DCLK3: variants seen among roughly 807,000 people sequenced by gnomAD.
DCLK3 encodes the protein serine/threonine-protein kinase DCLK3.
In DCLK3, 30 loss-of-function variants were observed where a neutral mutation model predicts 46.4. The observed-to-expected ratio is 0.65, with a 90% CI of 0.48 to 0.88. DCLK3 has a LOEUF of 0.88. DCLK3 is among the 40% of genes least tolerant of loss of function. The probability of loss-of-function intolerance (pLI) is 0.00; values close to 1 mark genes in which losing one functional copy is unlikely to be tolerated. For missense variants in DCLK3, 846 were observed against 907.1 expected (o/e 0.93, Z 0.87); for synonymous variants, 401 against 339.2 (o/e 1.18, Z -2.00).
chr3:36,736,523 A>T (rs187580088), intron 2 of DCLK3, among the ~76,000 whole-genome samples: 9 of 152,282 alleles, frequency 5.9e-5, no homozygotes, highest in Non-Finnish European at 5.9e-5. Flanking sequence ...CATAGCTGAG[A>T]TAAGGGTGTC....
At chr3:36,726,830 A>G (rs1701130177) in intron 2 of DCLK3, among the ~76,000 whole-genome samples, 1 of 152,246 alleles carries the variant, frequency 6.6e-6, no homozygotes. Context: ...ACAACAGGGT[A>G]ATTACCAGAA....
intron 1 of DCLK3, among the ~76,000 whole-genome samples, chr3:36,746,918 ATGATGC>A (rs1173304912): frequency 4.6e-5 from 7 of 152,356 alleles, no homozygotes; most frequent in African/African-American, 1.2e-4. Context: ...CAGGTCCCAG[ATGATGC>A]TGATGCTGAT....
At chr3:36,720,459 C>T (rs1192700582) in intron 3 of DCLK3, among the ~76,000 whole-genome samples, 1 of 151,630 alleles carries the variant, frequency 6.6e-6, no homozygotes, top group Non-Finnish European at 1.5e-5. Context: ...CTAGTCTTCT[C>T]CATGTCTCTA....
At chr3:36,739,468 T>A (rs1445265006) in intron 1 of DCLK3, among the ~76,000 whole-genome samples, 1 of 152,200 alleles carries the variant, frequency 6.6e-6, no homozygotes. Context: ...TGGGGGCAGT[T>A]TCCCCCATAC....
intron 1 of DCLK3, among the ~76,000 whole-genome samples, chr3:36,748,444 G>C (rs966132213): frequency 6.6e-6 from 1 of 152,142 alleles, no homozygotes; most frequent in Admixed American, 6.5e-5. Context: ...CCAGCCACCT[G>C]CCTTCCCCAG....
At position 36,737,946 on chromosome 3, in the gene DCLK3, T is replaced by C. The variant is rs745384086; in HGVS notation, c.1221A>G (p.Gly407=). The C allele has an allele frequency of 1.9e-6, 3 of 1,614,180 alleles. No homozygotes were observed. The highest frequency in any genetic ancestry group is 1.6e-4 in the Middle Eastern group (1 of 6,062). Residue 407 remains glycine (G), a synonymous_variant, in exon 2 of 5, where the codon GGA becomes GGG. Transcript: ENST00000636136. The surrounding 1 kb of genome is among the most constrained non-coding windows in gnomAD (Gnocchi z 4.4). ...CAAGGTCCTTCTTGGCCTTGGCTGC[T>C]CCCTGAGCATGGCTTTCTTGATCCT... ...GPEDQESHAQ[G]AAKAKKDLVE...
Position 36,729,250 on chromosome 3 carries a change from G to T in DCLK3, c.1960-7591C>A, listed in dbSNP as rs183659304. On this transcript the variant is annotated intron_variant, in intron 2 of 4. Transcript: ENST00000636136. ...TTTTCCCGGGTTGTGTGTGTGTGTG[G>T]GGGGGGGGGGTACAAAAGCCCCCTT... 1.3e-4 allele frequency among the ~76,000 whole-genome samples: 12 copies of T among 95,324 alleles called. No homozygotes were observed. In the Middle Eastern group the frequency reaches 0.019, roughly 153 times the overall value. The allele number at this position is 95,324 out of a possible 152,430, so 62.5% of individuals were successfully genotyped here.
chr3:36,750,043 T>G (rs1441902140), intron 1 of DCLK3, among the ~76,000 whole-genome samples: 1 of 152,184 alleles, frequency 6.6e-6, no homozygotes, highest in Non-Finnish European at 1.5e-5. Context: ...CTTTTACTTC[T>G]TAATTTAATT....
rs144209744 is a variant in DCLK3 at position 36,746,797 on chromosome 3, G to A, written c.83-7713C>T. Reference sequence around the variant, plus strand: ...CATTTCCAATTTACTATGTGCTACAGAGCAGAGCTTCTCAAATGTTCATGT... The same window carrying A: ...CATTTCCAATTTACTATGTGCTACAAAGCAGAGCTTCTCAAATGTTCATGT... On this transcript the variant is annotated intron_variant, in intron 1 of 4. Transcript: ENST00000636136. Among the ~76,000 whole-genome samples, 70 of 152,340 alleles carry A rather than the reference G, an allele frequency of 4.6e-4. No homozygotes were observed. The East Asian group carries it at 0.013, about 27-fold the overall frequency.
At chr3:36,741,956 AG>A (rs1701348444) in intron 1 of DCLK3, among the ~76,000 whole-genome samples, 1 of 152,218 alleles carries the variant, frequency 6.6e-6, no homozygotes, top group Non-Finnish European at 1.5e-5. Context: ...GAAATAGGAG[AG>A]GGATCCTCAG....
At chr3:36,750,213 T>G (rs1202676198) in intron 1 of DCLK3, among the ~76,000 whole-genome samples, 2 of 152,106 alleles carry the variant, frequency 1.3e-5, no homozygotes, top group African/African-American at 4.8e-5. Flanking sequence ...CCCGAGTAGC[T>G]AGGATTACAG....
chr3:36,734,504 A>C (rs1409539609), intron 2 of DCLK3, among the ~76,000 whole-genome samples: 1 of 152,162 alleles, frequency 6.6e-6, no homozygotes, highest in Non-Finnish European at 1.5e-5. Context: ...CCACAAAAAA[A>C]GTTATTTTAT....
Position 36,737,529 on chromosome 3 carries a change from C to T in DCLK3, c.1638G>A (p.Glu546=). ...FAVVKECRHR[E]TRQAYAMKII... ...TCTTCATCGCATAGGCCTGCCTGGT[C>T]TCGCGGTGTCTGCACTCCTTCACGA... Residue 546 remains glutamate (E), a synonymous_variant, in exon 2 of 5, where the codon GAG becomes GAA. Transcript: ENST00000636136. The surrounding 1 kb of genome is among the most constrained non-coding windows in gnomAD (Gnocchi z 4.4). The T allele has an allele frequency of 6.2e-7, 1 of 1,614,188 alleles. No individual in the cohort carries two copies. Among genetic ancestry groups the T allele is most frequent in the Non-Finnish European group, 8.5e-7 (1 of 1,180,040 alleles).
In DCLK3 at chr3:36,738,840, C is replaced by T. The variant is rs1701307799; in HGVS notation, c.327G>A (p.Lys109=). The T allele has an allele frequency of 5.5e-6, 4 of 723,626 alleles. No homozygotes were observed. The highest frequency in any genetic ancestry group is 7.8e-6 in the Non-Finnish European group (4 of 513,388). 44.8% of individuals were successfully genotyped at this position (723,626 alleles called of 1,614,324 possible). The part of the protein sequence containing the change: ...VVKLGGQRPR[K]ITLLLNRRSV... ...ATCGCCTGTTGAGGAGCAGAGTGAT[C>T]TTTCGGGGGCGCTGCCCACCCAGCT... The change falls in exon 2 of 5, where the codon AAG becomes AAA. Residue 109 remains lysine (K), a synonymous_variant. Coordinates refer to ENST00000636136, the MANE Select transcript of DCLK3 (RefSeq NM_001394672.2).
intron 3 of DCLK3, among the ~76,000 whole-genome samples, chr3:36,720,770 G>A (rs1330988710): frequency 6.6e-6 from 1 of 152,040 alleles, no homozygotes; most frequent in African/African-American, 2.4e-5. Context: ...GCCTCCCAAA[G>A]AGCTGGGATT....
chr3:36,735,935 TTC>T (rs1416766187), intron 2 of DCLK3, among the ~76,000 whole-genome samples: 4 of 152,182 alleles, frequency 2.6e-5, no homozygotes, highest in Non-Finnish European at 5.9e-5. Flanking sequence ...TCATGGAACT[TTC>T]TCTCCAATAA....
chr3:36,735,570 C>T (rs1386487467), intron 2 of DCLK3, among the ~76,000 whole-genome samples: 2 of 152,166 alleles, frequency 1.3e-5, no homozygotes. Flanking sequence ...GGGATGGTGT[C>T]CCCAGGCTGA....
In DCLK3 at chr3:36,737,454, C is replaced by T; in HGVS notation, c.1713G>A (p.Glu571=). 1 of 1,614,232 alleles carries T rather than the reference C, an allele frequency of 6.2e-7. No homozygotes were observed. Among genetic ancestry groups the T allele is most frequent in the Non-Finnish European group, 8.5e-7 (1 of 1,180,050 alleles). The change falls in exon 2 of 5, where the codon GAG becomes GAA. Residue 571 remains glutamate, a synonymous_variant. Transcript: ENST00000636136. The surrounding 1 kb of genome is among the most constrained non-coding windows in gnomAD (Gnocchi z 4.4). Reference sequence around the variant, plus strand: ...GAGAGAGGCTCTGGATGATCAAGATCTCACTGTCCACCATGTCCTCCTTGC... The same window carrying T: ...GAGAGAGGCTCTGGATGATCAAGATTTCACTGTCCACCATGTCCTCCTTGC... ...LKGKEDMVDS[E]ILIIQSLSHP... is the part of the protein sequence containing the mutation.
At chr3:36,756,453 A>G (rs1293473156) in intron 1 of DCLK3, among the ~76,000 whole-genome samples, 1 of 152,196 alleles carries the variant, frequency 6.6e-6, no homozygotes, top group Non-Finnish European at 1.5e-5. Context: ...ATGTGTGCTC[A>G]GGGACCATGG....
Sources: allele counts gnomAD v4.1 joint callset (sites outside exome capture counted in the v4.1 genomes callset), GRCh38; gene constraint gnomAD v4.1.1; non-coding constraint Gnocchi (gnomAD v3.1); transcripts MANE v1.5; gene names NCBI Gene and HGNC (gene_info 2026-07-23, HGNC 2026-07-21).